Variants in MSTO1 observed in about 807,000 individuals in gnomAD.
The protein encoded by MSTO1 is misato mitochondrial distribution and morphology regulator 1, also known as protein misato homolog 1.
Under a neutral mutation model 55.7 loss-of-function variants are expected in MSTO1, and 24 were observed. The ratio of observed to expected loss-of-function variants is 0.43; its 90% CI spans 0.31 to 0.61. The LOEUF (loss-of-function observed/expected upper bound fraction) is 0.61, where lower values mean the gene tolerates loss of function less well. Ranked by LOEUF, MSTO1 falls within the 20% of genes least tolerant of loss-of-function variation. MSTO1 has a pLI of 0.09. For synonymous variants in MSTO1, 162 were observed against 252.8 expected, an observed-to-expected ratio of 0.64 and a Z score of 3.41; for missense variants, 363 against 625.7, an observed-to-expected ratio of 0.58 and a Z score of 4.48.
At chr1:155,593,313 A>C in the MSTO1 span, among the ~76,000 whole-genome samples, 4,631 of 152,348 alleles carry the variant, frequency 0.03, 106 homozygotes, top group Non-Finnish European at 0.047. Flanking sequence ...TAGTGTGTTA[A>C]GTACTCAGAG....
At chr1:155,604,950 A>AT in the MSTO1 span, among the ~76,000 whole-genome samples, 1 of 151,944 alleles carries the variant, frequency 6.6e-6, no homozygotes, top group East Asian at 1.9e-4. Flanking sequence ...AAAACAGATA[A>AT]TTTTTTGCCT....
the MSTO1 span, among the ~76,000 whole-genome samples, chr1:155,576,412 C>T: frequency 1.3e-5 from 2 of 152,056 alleles, no homozygotes; most frequent in African/African-American, 4.8e-5. Flanking sequence ...CTGCAACTTC[C>T]GCCTCCCGGG....
the MSTO1 span, among the ~76,000 whole-genome samples, chr1:155,579,235 C>T: frequency 2.0e-5 from 3 of 151,566 alleles, no homozygotes; most frequent in African/African-American, 4.8e-5. Context: ...ATCGCTTGAA[C>T]CCGGGAGGCA....
In MSTO1 at chr1:155,612,523, G is replaced by A. The variant is rs1220186568; in HGVS notation, c.919G>A (p.Gly307Ser). The change falls in exon 9 of 14, where the codon GGC becomes AGC. Residue 307 changes from glycine to serine, a missense_variant. Coordinates refer to ENST00000245564, the MANE Select transcript of MSTO1 (RefSeq NM_018116.4). The stretch of plus-strand genomic sequence containing the variant: ...CCCCTTGTCCTTGGGTGGGAGCCTG[G>A]GCCTGCGACCCGAGCCACCTGTCAG... ...VCPLSLGGSL[G>S]LRPEPPVSFP... The A allele has an allele frequency of 2.5e-6, 4 of 1,613,422 alleles. No homozygotes were observed. Among genetic ancestry groups the A allele is most frequent in the Non-Finnish European group, 3.4e-6 (4 of 1,179,958 alleles).
chr1:155,603,670 C>T, the MSTO1 span, among the ~76,000 whole-genome samples: 1 of 152,012 alleles, frequency 6.6e-6, no homozygotes, highest in Non-Finnish European at 1.5e-5. Flanking sequence ...CCAGCCTGGA[C>T]AACATGGTGA....
chr1:155,602,308 C>T, the MSTO1 span: 2 of 278,242 alleles, frequency 7.2e-6, no homozygotes, highest in South Asian at 3.5e-5. Flanking sequence ...GAAACCCTGT[C>T]TCTACTAAAA....
At chr1:155,599,224 A>T in the MSTO1 span, among the ~76,000 whole-genome samples, 1 of 152,184 alleles carries the variant, frequency 6.6e-6, no homozygotes, top group East Asian at 1.9e-4. Context: ...GATGTAGAGC[A>T]GTCTGAGCTC....
At chr1:155,609,217 GTATA>G (rs777579171), upstream of MSTO1, among the ~76,000 whole-genome samples, 657 of 84,498 alleles carry the variant, frequency 7.8e-3, 44 homozygotes, top group East Asian at 0.013. Context: ...ATTATCAGCA[GTATA>G]TATATATATA....
chr1:155,583,139 C>T, the MSTO1 span, among the ~76,000 whole-genome samples: 1 of 151,828 alleles, frequency 6.6e-6, no homozygotes, highest in Non-Finnish European at 1.5e-5. Flanking sequence ...TCCCAAAGTG[C>T]TAGAATTATA....
the MSTO1 span, among the ~76,000 whole-genome samples, chr1:155,567,337 A>T: frequency 8.0e-6 from 1 of 125,268 alleles, no homozygotes; most frequent in East Asian, 2.3e-4. Flanking sequence ...TTTGAGACGG[A>T]GTCTCGTTCT....
At chr1:155,609,243 A>ATATATATATATATATATATATATATATT, upstream of MSTO1, among the ~76,000 whole-genome samples, 1 of 54,578 alleles carries the variant, frequency 1.8e-5, no homozygotes, top group East Asian at 1.9e-3. Context: ...ATATATATAT[A>ATATATATATATATATATATATATATATT]TTTTTTTTTT....
At chr1:155,588,941 G>A in the MSTO1 span, among the ~76,000 whole-genome samples, 272 of 152,134 alleles carry the variant, frequency 1.8e-3, no homozygotes, top group African/African-American at 6.3e-3. Context: ...AAAATGAAAC[G>A]AAAGCAAGGA....
chr1:155,609,243 A>ATATATATTTTTTTT (rs59756178), upstream of MSTO1, among the ~76,000 whole-genome samples: 4 of 54,586 alleles, frequency 7.3e-5, no homozygotes, highest in Non-Finnish European at 9.0e-5. Flanking sequence ...ATATATATAT[A>ATATATATTTTTTTT]TTTTTTTTTT....
At chr1:155,607,921 C>G (rs1672965208), upstream of MSTO1, among the ~76,000 whole-genome samples, 1 of 152,150 alleles carries the variant, frequency 6.6e-6, no homozygotes, top group African/African-American at 2.4e-5. Context: ...CGCTTCAGCC[C>G]AAGAGGTTGA....
the MSTO1 span, among the ~76,000 whole-genome samples, chr1:155,569,393 C>T: frequency 8.7e-5 from 13 of 149,840 alleles, no homozygotes; most frequent in Non-Finnish European, 1.9e-4. Flanking sequence ...TCTCGGCCTC[C>T]CAAAGTGCTG....
intron 4 of MSTO1, 69 bp downstream of exon 4, chr1:155,611,360 A>C: frequency 1.2e-6 from 2 of 1,613,502 alleles, no homozygotes; most frequent in Admixed American, 3.3e-5. Flanking sequence ...GGGCAGGTAA[A>C]CGGGGATTTT....
the MSTO1 span, among the ~76,000 whole-genome samples, chr1:155,569,674 T>G: frequency 6.6e-6 from 1 of 152,066 alleles, no homozygotes; most frequent in African/African-American, 2.4e-5. Context: ...CCTGGCCTTG[T>G]GATCTACCCT....
chr1:155,600,975 C>CT, the MSTO1 span, among the ~76,000 whole-genome samples: 1,133 of 119,102 alleles, frequency 9.5e-3, 11 homozygotes, highest in East Asian at 0.014. Context: ...TGTGCTAGGC[C>CT]TTTTTTTTTT....
chr1:155,612,259 A>G lies in MSTO1; in HGVS notation c.756A>G (p.Glu252=), dbSNP rs201648704. 1.4e-5 allele frequency: 23 copies of G among 1,592,092 alleles called. No homozygotes were observed. In the East Asian group the frequency reaches 3.4e-4, roughly 23 times the overall value. The change falls in exon 8 of 14, where the codon GAA becomes GAG. Residue 252 remains glutamate, a synonymous_variant. Transcript: ENST00000245564. The stretch of plus-strand genomic sequence containing the variant: ...AGGCGGCAGAGCTGCTACAAGATGA[A>G]TATTCAGGGCGGGGAATAATAACCT... ...GAKAAELLQD[E]YSGRGIITWG... is the part of the protein sequence containing the mutation.
Sources: gnomAD v4.1 joint callset for allele counts (sites outside exome capture counted in the v4.1 genomes callset) on GRCh38, gnomAD v4.1.1 for gene constraint, MANE v1.5 for transcripts, NCBI Gene and HGNC (gene_info 2026-07-23, HGNC 2026-07-21) for gene names.